RIN2: variants seen among roughly 807,000 people sequenced by gnomAD.
RIN2 encodes Ras and Rab interactor 2.
In RIN2, 36 loss-of-function variants were observed where a neutral mutation model predicts 78.0. The ratio of observed to expected loss-of-function variants is 0.46; its 90% CI spans 0.35 to 0.61. The LOEUF (loss-of-function observed/expected upper bound fraction) is 0.61. RIN2 is among the 20% of genes least tolerant of loss of function. The probability of loss-of-function intolerance (pLI) is 0.00; values close to 1 mark genes in which losing one functional copy is unlikely to be tolerated. For synonymous variants in RIN2, 466 were observed against 466.8 expected, an observed-to-expected ratio of 1.00 and a Z score of 0.02; for missense variants, 1,087 against 1,159.7, an observed-to-expected ratio of 0.94 and a Z score of 0.91.
At chr20:19,838,212 C>T (rs2123058221) in intron 2 of RIN2, among the ~76,000 whole-genome samples, 1 of 152,248 alleles carries the variant, frequency 6.6e-6, no homozygotes, top group South Asian at 2.1e-4. Context: ...ATCAGTCATA[C>T]TACATTGCAT....
At chr20:19,979,897 T>G (rs1568698156) in intron 9 of RIN2, among the ~76,000 whole-genome samples, 1 of 151,710 alleles carries the variant, frequency 6.6e-6, no homozygotes, top group Non-Finnish European at 1.5e-5. Context: ...ACAAAAAAAT[T>G]AGCCAGGCAT....
chr20:19,870,245 A>G (rs1007200078), intron 2 of RIN2, among the ~76,000 whole-genome samples: 1 of 152,140 alleles, frequency 6.6e-6, no homozygotes, highest in Non-Finnish European at 1.5e-5. Flanking sequence ...AATTGTTATC[A>G]TTTTTCCCAA....
intron 7 of RIN2, among the ~76,000 whole-genome samples, chr20:19,968,133 A>G (rs1681037693): frequency 6.6e-6 from 1 of 152,034 alleles, no homozygotes; most frequent in Admixed American, 6.5e-5. Flanking sequence ...TAGGGACCTC[A>G]CTTGTCTGTG....
chr20:19,872,804 C>T (rs879557475), intron 2 of RIN2, among the ~76,000 whole-genome samples: 17 of 152,102 alleles, frequency 1.1e-4, no homozygotes, highest in African/African-American at 2.4e-4. Context: ...AAATGTGGGA[C>T]GCTGGGTAGG....
At position 19,964,959 on chromosome 20, in the gene RIN2, C is replaced by T. The variant is rs748229896; in HGVS notation, c.471C>T (p.Ser157=). The T allele has an allele frequency of 2.5e-6, 4 of 1,613,338 alleles. No individual in the cohort carries two copies. The African/African-American group carries it at 4.0e-5, about 16-fold the overall frequency. The part of the protein sequence containing the change: ...FAIKESTYTF[S]LEGSGISFAD... ...CTGAAATCTCTTTTCCAGCCTTTTC[C>T]CTGGAAGGCTCAGGAATCAGTTTCG... is the stretch of plus-strand genomic sequence containing the variant. The change falls in exon 7 of 13, where the codon TCC becomes TCT. Residue 157 remains serine (S), a synonymous_variant. Transcript: ENST00000255006.
At chr20:19,883,761 C>T (rs1163449944) in intron 2 of RIN2, among the ~76,000 whole-genome samples, 2 of 151,906 alleles carry the variant, frequency 1.3e-5, no homozygotes, top group East Asian at 3.9e-4. Flanking sequence ...GTGAGAGTTT[C>T]TATGAGTCTG....
At chr20:19,851,033 G>A (rs1179765279) in intron 2 of RIN2, among the ~76,000 whole-genome samples, 2 of 111,590 alleles carry the variant, frequency 1.8e-5, no homozygotes, top group African/African-American at 4.0e-5. Flanking sequence ...AAGGAAGGAA[G>A]GAAGGAAGGA....
chr20:19,789,352 G>A (rs926518757), intron 1 of RIN2, among the ~76,000 whole-genome samples: 1 of 152,148 alleles, frequency 6.6e-6, no homozygotes, highest in African/African-American at 2.4e-5. Flanking sequence ...GTGAACTTGG[G>A]ATATGCGAAG....
intron 2 of RIN2, among the ~76,000 whole-genome samples, chr20:19,857,796 G>A (rs2037211725): frequency 6.6e-6 from 1 of 152,004 alleles, no homozygotes; most frequent in South Asian, 2.1e-4. Flanking sequence ...AGCCAGTCTG[G>A]GCAACAAAGT....
chr20:19,791,815 T>C (rs184473524), intron 1 of RIN2, among the ~76,000 whole-genome samples: 5 of 152,228 alleles, frequency 3.3e-5, no homozygotes, highest in African/African-American at 4.8e-5. Flanking sequence ...GGGGTTGTCT[T>C]AGTGCAACTA....
chr20:19,888,895 C>G (rs996880220), intron 2 of RIN2, among the ~76,000 whole-genome samples: 2 of 152,232 alleles, frequency 1.3e-5, no homozygotes, highest in Admixed American at 1.3e-4. Flanking sequence ...CAAAAAGCTA[C>G]AGTTAGAATT....
chr20:19,849,556 C>G (rs2036894634), intron 2 of RIN2, among the ~76,000 whole-genome samples: 2 of 152,116 alleles, frequency 1.3e-5, no homozygotes, highest in Admixed American at 1.3e-4. Flanking sequence ...AACTTTTTGC[C>G]TGTGGATACA....
At chr20:19,763,893 C>T (rs779180257) in intron 1 of RIN2, among the ~76,000 whole-genome samples, 9 of 152,096 alleles carry the variant, frequency 5.9e-5, no homozygotes, top group Non-Finnish European at 8.8e-5. Context: ...GAAACGGATT[C>T]GGGAGGTGTT....
Position 19,925,298 on chromosome 20 carries a change from A to G in RIN2, c.58-9801A>G, listed in dbSNP as rs548537720. On this transcript the variant is annotated intron_variant, in intron 3 of 12. Transcript: ENST00000255006. ...AATTCCAGATGAATGAAAGGACTAC[A>G]AATAAATAAATACATCATATATAAA... Among the ~76,000 whole-genome samples, 32 of 152,302 alleles carry G rather than the reference A, an allele frequency of 2.1e-4. No homozygotes were observed. The South Asian group carries it at 6.0e-3, about 29-fold the overall frequency.
intron 2 of RIN2, among the ~76,000 whole-genome samples, chr20:19,844,683 T>C (rs1163747922): frequency 1.8e-4 from 4 of 22,144 alleles, no homozygotes; most frequent in Admixed American, 5.9e-4. Flanking sequence ...CTTCTTCTTC[T>C]TCCTCTTCCT....
At chr20:19,976,770 C>T (rs1013816246) in intron 9 of RIN2, among the ~76,000 whole-genome samples, 2 of 152,244 alleles carry the variant, frequency 1.3e-5, no homozygotes, top group East Asian at 1.9e-4. Flanking sequence ...CCAATTTTTT[C>T]TTTCTGATTG....
intron 3 of RIN2, among the ~76,000 whole-genome samples, chr20:19,891,067 T>C (rs2038438240): frequency 6.6e-6 from 1 of 152,188 alleles, no homozygotes. Context: ...GTGAAGTTAT[T>C]TATTGGTTTA....
intron 1 of RIN2, among the ~76,000 whole-genome samples, chr20:19,776,142 A>G (rs569204811): frequency 1.3e-5 from 2 of 152,264 alleles, no homozygotes; most frequent in African/African-American, 4.8e-5. Flanking sequence ...AGGCATTCCA[A>G]AGTTAACCAG....
intron 1 of RIN2, among the ~76,000 whole-genome samples, chr20:19,796,601 C>T (rs77539487): frequency 0.073 from 11,066 of 152,196 alleles, 528 homozygotes; most frequent in Non-Finnish European, 0.1. Flanking sequence ...GATGGTCAAA[C>T]GTGTTTGAAA....
Sources: allele counts gnomAD v4.1 joint callset (sites outside exome capture counted in the v4.1 genomes callset), GRCh38; gene constraint gnomAD v4.1.1; transcripts MANE v1.5; gene names NCBI Gene and HGNC (gene_info 2026-07-23, HGNC 2026-07-21).